CPEB3: variants seen among roughly 807,000 people sequenced by gnomAD.
CPEB3 encodes cytoplasmic polyadenylation element binding protein 3.
CPEB3 carries 20 observed loss-of-function variants against 67.2 expected under a neutral mutation model. The observed-to-expected ratio is 0.30, with a 90% CI of 0.21 to 0.43. The LOEUF (loss-of-function observed/expected upper bound fraction) is 0.43, where lower values mean the gene tolerates loss of function less well. Ranked by LOEUF, CPEB3 falls within the 20% of genes least tolerant of loss-of-function variation. CPEB3 has a pLI of 1.00. For missense variants in CPEB3, 746 were observed against 968.6 expected (o/e 0.77, Z 3.05); for synonymous variants, 376 against 393.1 (o/e 0.96, Z 0.51).
intron 2 of CPEB3, among the ~76,000 whole-genome samples, chr10:92,223,889 C>T (rs1850832005): frequency 6.6e-6 from 1 of 151,968 alleles, no homozygotes; most frequent in Non-Finnish European, 1.5e-5. Flanking sequence ...GCTGGGATTA[C>T]AGGCGCCTGC....
At chr10:92,193,389 C>G (rs1339036416) in intron 2 of CPEB3, among the ~76,000 whole-genome samples, 1 of 152,140 alleles carries the variant, frequency 6.6e-6, no homozygotes, top group Non-Finnish European at 1.5e-5. Context: ...GTTTTGCTCT[C>G]TACCCTCCAC....
At chr10:92,271,275 A>G (rs1853297036) in intron 1 of CPEB3, among the ~76,000 whole-genome samples, 1 of 152,178 alleles carries the variant, frequency 6.6e-6, no homozygotes, top group African/African-American at 2.4e-5. Flanking sequence ...TTTTTGCCCC[A>G]TATTCTCCAA....
At chr10:92,068,495 ACTG>A (rs963070053) in intron 9 of CPEB3, among the ~76,000 whole-genome samples, 1 of 152,108 alleles carries the variant, frequency 6.6e-6, no homozygotes, top group African/African-American at 2.4e-5. Flanking sequence ...TCACCAAAAG[ACTG>A]CTAACTTACT....
intron 2 of CPEB3, among the ~76,000 whole-genome samples, chr10:92,227,413 T>G (rs1306154384): frequency 6.6e-6 from 1 of 152,194 alleles, no homozygotes; most frequent in African/African-American, 2.4e-5. Flanking sequence ...ACATGGATTA[T>G]GATTTTGAAC....
At chr10:92,106,509 T>C (rs1456260866) in intron 7 of CPEB3, among the ~76,000 whole-genome samples, 1 of 151,504 alleles carries the variant, frequency 6.6e-6, no homozygotes, top group African/African-American at 2.4e-5. Context: ...TCTTTAAGGG[T>C]AGGAATTAGA....
chr10:92,059,345 AG>A (rs1842248915), intron 9 of CPEB3, among the ~76,000 whole-genome samples: 1 of 150,122 alleles, frequency 6.7e-6, no homozygotes, highest in Non-Finnish European at 1.5e-5. Flanking sequence ...ACAAAGAAAA[AG>A]CAAATACAAG....
chr10:92,259,556 G>A (rs943047697), intron 1 of CPEB3, among the ~76,000 whole-genome samples: 7 of 151,304 alleles, frequency 4.6e-5, no homozygotes, highest in Non-Finnish European at 8.8e-5. Flanking sequence ...AGCCGAGATC[G>A]TGCCACTGCA....
intron 6 of CPEB3, chr10:92,118,681 T>C: frequency 1.5e-6 from 1 of 685,960 alleles, no homozygotes; most frequent in East Asian, 2.8e-5. Context: ...TGAGACATGT[T>C]GGTCGACATT....
intron 4 of CPEB3, among the ~76,000 whole-genome samples, chr10:92,164,931 C>G (rs1490557166): frequency 2.0e-5 from 3 of 152,064 alleles, no homozygotes; most frequent in African/African-American, 7.2e-5. Context: ...AATTATTACA[C>G]TTAGAACTGT....
chr10:92,234,651 G>A (rs979826883), intron 2 of CPEB3, among the ~76,000 whole-genome samples: 4 of 152,158 alleles, frequency 2.6e-5, no homozygotes, highest in Non-Finnish European at 4.4e-5. Context: ...ATAATAGGCC[G>A]GGCACAGTGG....
chr10:92,271,239 T>G (rs1425034796), intron 1 of CPEB3, among the ~76,000 whole-genome samples: 1 of 152,238 alleles, frequency 6.6e-6, no homozygotes, highest in African/African-American at 2.4e-5. Context: ...ATTACAAAAA[T>G]GTTTCAAAAA....
intron 6 of CPEB3, among the ~76,000 whole-genome samples, chr10:92,122,497 T>C (rs1043458672): frequency 6.6e-6 from 1 of 152,216 alleles, no homozygotes; most frequent in African/African-American, 2.4e-5. Flanking sequence ...TGAGGATACC[T>C]GATCTCCAAG....
intron 6 of CPEB3, among the ~76,000 whole-genome samples, chr10:92,138,698 G>C (rs1187459844): frequency 6.6e-6 from 1 of 152,136 alleles, no homozygotes; most frequent in Non-Finnish European, 1.5e-5. Flanking sequence ...CAGGCTATAA[G>C]AAATGCTGGT....
At chr10:92,062,970 A>G (rs2134328607) in intron 9 of CPEB3, among the ~76,000 whole-genome samples, 1 of 152,368 alleles carries the variant, frequency 6.6e-6, no homozygotes, top group East Asian at 1.9e-4. Flanking sequence ...AATGGAGATG[A>G]CTATACCCAA....
rs553498790 is a variant in CPEB3 at position 92,053,874 on chromosome 10, C to T, written c.1870-1435G>A. 1.3e-3 allele frequency among the ~76,000 whole-genome samples: 193 copies of T among 151,848 alleles called. 1 individual carries two copies. The highest frequency in any genetic ancestry group is 3.3e-3 in the Admixed American group (51 of 15,240). Reference sequence around the variant, plus strand: ...TTATTTTTTGTATTTTTAGTAGAAACGGGGTTTCACCATGTTAGCCAGGCT... The same window carrying T: ...TTATTTTTTGTATTTTTAGTAGAAATGGGGTTTCACCATGTTAGCCAGGCT... On this transcript the variant is annotated intron_variant, in intron 9 of 9. Transcript: ENST00000265997.
chr10:92,225,081 T>C (rs927409094), intron 2 of CPEB3, among the ~76,000 whole-genome samples: 2 of 151,590 alleles, frequency 1.3e-5, no homozygotes, highest in African/African-American at 4.8e-5. Flanking sequence ...TTCAAGCAAT[T>C]CTCCTGCCTT....
chr10:92,280,343 C>CAAAAAAAAAAAAAAAAAAAAAAAAAAA (rs60338900), intron 1 of CPEB3, among the ~76,000 whole-genome samples: 1 of 37,796 alleles, frequency 2.6e-5, no homozygotes, highest in African/African-American at 1.2e-4. Context: ...AACTCCATCT[C>CAAAAAAAAAAAAAAAAAAAAAAAAAAA]AAAAAAAAAA....
At chr10:92,169,683 T>A (rs1590293170) in intron 4 of CPEB3, among the ~76,000 whole-genome samples, 1 of 152,214 alleles carries the variant, frequency 6.6e-6, no homozygotes, top group Non-Finnish European at 1.5e-5. Context: ...ACCATTCTTA[T>A]TGTTACAAAG....
chr10:92,228,420 G>C (rs1041278716), intron 2 of CPEB3, among the ~76,000 whole-genome samples: 2 of 152,102 alleles, frequency 1.3e-5, no homozygotes, highest in African/African-American at 4.8e-5. Flanking sequence ...TTGCAAAAGA[G>C]AGGTGCTTCT....
Sources: gnomAD v4.1 joint callset for allele counts (sites outside exome capture counted in the v4.1 genomes callset) on GRCh38, gnomAD v4.1.1 for gene constraint, MANE v1.5 for transcripts, NCBI Gene and HGNC (gene_info 2026-07-23, HGNC 2026-07-21) for gene names.